Variants in ROCK1 observed in about 807,000 individuals in gnomAD.
ROCK1 encodes rho-associated protein kinase 1.
Under a neutral mutation model 196.8 loss-of-function variants are expected in ROCK1, and 36 were observed. The ratio of observed to expected loss-of-function variants is 0.18; its 90% CI spans 0.14 to 0.24. ROCK1 has a LOEUF of 0.24. ROCK1 is among the 10% of genes least tolerant of loss of function. The probability of loss-of-function intolerance (pLI) is 1.00; values close to 1 mark genes in which losing one functional copy is unlikely to be tolerated. For missense variants in ROCK1, 920 were observed against 1,562.0 expected (o/e 0.59, Z 6.93); for synonymous variants, 443 against 515.9 (o/e 0.86, Z 1.91).
chr18:21,045,071 G>C (rs1190099498), intron 5 of ROCK1: 2 of 320,734 alleles, frequency 6.2e-6, no homozygotes, highest in Non-Finnish European at 1.1e-5. Context: ...ATGTTGTCCA[G>C]GCTGGTGTCA....
intron 2 of ROCK1, among the ~76,000 whole-genome samples, chr18:21,058,109 A>G (rs1367698508): frequency 1.3e-5 from 2 of 152,210 alleles, no homozygotes; most frequent in African/African-American, 4.8e-5. Context: ...ATTTTCTAAA[A>G]ACATAATTAT....
At chr18:20,969,049 C>A in intron 24 of ROCK1, 66 bp downstream of exon 24, 1 of 1,107,074 alleles carries the variant, frequency 9.0e-7, no homozygotes, top group Non-Finnish European at 1.3e-6. Flanking sequence ...AAACCTAACA[C>A]AACATAGGTA....
intron 4 of ROCK1, among the ~76,000 whole-genome samples, chr18:21,045,914 T>G (rs867623603): frequency 6.0e-5 from 8 of 133,708 alleles, no homozygotes; most frequent in Non-Finnish European, 1.1e-4. Flanking sequence ...TTTTTTTTTT[T>G]TTTTTTTTTT....
intron 10 of ROCK1, among the ~76,000 whole-genome samples, chr18:21,025,129 T>C (rs908233141): frequency 2.0e-5 from 3 of 152,210 alleles, no homozygotes; most frequent in African/African-American, 7.2e-5. Context: ...TATACATCCA[T>C]TAATTCTTCC....
At chr18:21,095,709 G>T (rs2036607398) in intron 1 of ROCK1, among the ~76,000 whole-genome samples, 1 of 151,416 alleles carries the variant, frequency 6.6e-6, no homozygotes, top group Admixed American at 6.6e-5. Context: ...AAAGGGACTG[G>T]GGGGATAGTT....
Position 20,967,385 on chromosome 18 carries a change from G to A in ROCK1, c.3193-309C>T, listed in dbSNP as rs1308193470. Reference sequence around the variant, plus strand: ...TGGCTCCAAATGAAGTAGCTTTAAAGGTATAGAAAACTTCAGAAAACCATA... The same window carrying A: ...TGGCTCCAAATGAAGTAGCTTTAAAAGTATAGAAAACTTCAGAAAACCATA... On this transcript the variant is annotated intron_variant, in intron 26 of 32. Transcript: ENST00000399799. 3.9e-5 allele frequency among the ~76,000 whole-genome samples: 6 copies of A among 152,192 alleles called. No individual in the cohort carries two copies. In the South Asian group the frequency reaches 1.2e-3, roughly 32 times the overall value.
intron 29 of ROCK1, among the ~76,000 whole-genome samples, chr18:20,958,889 ATAT>A (rs2035275757): frequency 9.0e-6 from 1 of 110,768 alleles, no homozygotes; most frequent in Admixed American, 1.4e-4. Flanking sequence ...ATAAATATAT[ATAT>A]TTATTTATAT....
intron 10 of ROCK1, among the ~76,000 whole-genome samples, chr18:21,025,107 G>C (rs1292419237): frequency 6.6e-6 from 1 of 152,108 alleles, no homozygotes; most frequent in African/African-American, 2.4e-5. Flanking sequence ...GGAAATGTAA[G>C]GACATCACTT....
At chr18:21,057,468 C>T (rs2036253371) in intron 2 of ROCK1, among the ~76,000 whole-genome samples, 1 of 152,302 alleles carries the variant, frequency 6.6e-6, no homozygotes, top group African/African-American at 2.4e-5. Context: ...GCATTTCAAT[C>T]ATATATAAAC....
At chr18:21,099,806 AG>A (rs986639612) in intron 1 of ROCK1, among the ~76,000 whole-genome samples, 47 of 152,142 alleles carry the variant, frequency 3.1e-4, no homozygotes, top group African/African-American at 1.1e-3. Flanking sequence ...AGGCTGAGGC[AG>A]GCAAGATCAC....
chr18:21,051,989 T>C (rs1034157922), intron 2 of ROCK1, among the ~76,000 whole-genome samples: 2 of 152,182 alleles, frequency 1.3e-5, no homozygotes, highest in African/African-American at 2.4e-5. Flanking sequence ...TTTAAGAGTA[T>C]TGTAATACCC....
chr18:21,109,961 G>A (rs2036735753), intron 1 of ROCK1, among the ~76,000 whole-genome samples: 1 of 152,026 alleles, frequency 6.6e-6, no homozygotes, highest in African/African-American at 2.4e-5. Context: ...TTTGGACCAA[G>A]AAATATTATA....
intron 10 of ROCK1, among the ~76,000 whole-genome samples, chr18:21,026,211 A>G (rs145621594): frequency 0.012 from 1,858 of 152,256 alleles, 43 homozygotes; most frequent in African/African-American, 0.042. Flanking sequence ...TTGGGAGGCC[A>G]AGGTGGGCGG....
intron 8 of ROCK1, 120 bp from the exon 9 acceptor site, chr18:21,039,683 G>T: frequency 1.5e-6 from 1 of 653,662 alleles, no homozygotes; most frequent in Non-Finnish European, 2.7e-6. Context: ...GTTCTAAGGT[G>T]AAATTATATT....
rs896449047 is a variant in ROCK1 at position 20,997,898 on chromosome 18, G to A, written c.1886-4961C>T. Among the ~76,000 whole-genome samples the A allele has an allele frequency of 1.1e-4, 16 of 150,614 alleles. 1 individual carries two copies. Among genetic ancestry groups the A allele is most frequent in the South Asian group, 1.0e-3 (5 of 4,782 alleles). ...TACCCCAGGCTGGAGTACAAATGGC[G>A]TGATCTTGGCTCACTGCAACTTCCG... On this transcript the variant is annotated intron_variant, in intron 16 of 32. Coordinates refer to ENST00000399799, the MANE Select transcript of ROCK1 (RefSeq NM_005406.3).
rs2035172931 is a variant in ROCK1, at chr18:20,950,274, G to C, written c.*1110C>G. 6.6e-6 allele frequency: 1 copy of C among 152,168 alleles called. No homozygotes were observed. The highest frequency in any genetic ancestry group is 1.5e-5 in the Non-Finnish European group (1 of 68,016). 9.4% of individuals were successfully genotyped at this position (152,168 alleles called of 1,614,324 possible). ...GCAGTTTTATAAAGTCATTATTGTA[G>C]CAGGTAGTTTGATGCAAAGATTGTA... On this transcript the variant is annotated 3_prime_UTR_variant, in exon 33 of 33. Transcript: ENST00000399799.
intron 6 of ROCK1, among the ~76,000 whole-genome samples, chr18:21,043,784 A>AT (rs1433921047): frequency 2.0e-5 from 3 of 152,036 alleles, no homozygotes; most frequent in African/African-American, 7.2e-5. Flanking sequence ...TAACACTGGC[A>AT]TAAGTATTTA....
chr18:21,077,268 C>T (rs1217395281), intron 1 of ROCK1, among the ~76,000 whole-genome samples: 1 of 152,140 alleles, frequency 6.6e-6, no homozygotes, highest in Non-Finnish European at 1.5e-5. Flanking sequence ...CCACCGCGCC[C>T]GGCCAAGGAC....
intron 1 of ROCK1, among the ~76,000 whole-genome samples, chr18:21,077,839 T>A (rs2036447342): frequency 6.6e-6 from 1 of 152,166 alleles, no homozygotes; most frequent in Non-Finnish European, 1.5e-5. Context: ...TCTCTTTTTG[T>A]TTTCTGAGGC....
Sources: allele counts gnomAD v4.1 joint callset (sites outside exome capture counted in the v4.1 genomes callset), GRCh38; gene constraint gnomAD v4.1.1; transcripts MANE v1.5; gene names NCBI Gene and HGNC (gene_info 2026-07-23, HGNC 2026-07-21).